The following STIM1 variants were observed in gnomAD, a reference collection of about 807,000 sequenced individuals.
The protein encoded by STIM1 is stromal interaction molecule 1.
Under a neutral mutation model 74.7 loss-of-function variants are expected in STIM1, and 25 were observed. That is an observed-to-expected ratio of 0.33 (90% CI 0.24 to 0.47). The LOEUF (loss-of-function observed/expected upper bound fraction) is 0.47. Ranked by LOEUF, STIM1 falls within the 20% of genes least tolerant of loss-of-function variation. The pLI is 1.00. For missense variants in STIM1, 728 were observed against 920.8 expected (o/e 0.79, Z 2.71); for synonymous variants, 328 against 348.8 (o/e 0.94, Z 0.66).
intron 7 of STIM1, among the ~76,000 whole-genome samples, chr11:4,075,766 A>G (rs899620692): frequency 6.6e-6 from 1 of 152,226 alleles, no homozygotes; most frequent in Non-Finnish European, 1.5e-5. Flanking sequence ...TAGCTTTATT[A>G]GAAACTGTCA....
chr11:4,043,085 G>A (rs1157072577), intron 3 of STIM1, among the ~76,000 whole-genome samples: 2 of 152,178 alleles, frequency 1.3e-5, no homozygotes, highest in East Asian at 1.9e-4. Flanking sequence ...ACGCAAGCTA[G>A]TTCATGGCAG....
intron 2 of STIM1, among the ~76,000 whole-genome samples, chr11:3,967,943 G>A (rs2135737713): frequency 1.3e-5 from 2 of 152,282 alleles, no homozygotes; most frequent in East Asian, 3.9e-4. Context: ...TGACTAAGCT[G>A]TGTTGTTTGG....
chr11:3,860,063 A>G (rs1397179887), intron 1 of STIM1, among the ~76,000 whole-genome samples: 2 of 152,258 alleles, frequency 1.3e-5, no homozygotes, highest in Non-Finnish European at 2.9e-5. Flanking sequence ...CATGGAAGTT[A>G]CAGTCTTGTT....
intron 3 of STIM1, among the ~76,000 whole-genome samples, chr11:4,025,168 G>T (rs1422132422): frequency 6.6e-6 from 1 of 152,164 alleles, no homozygotes. Flanking sequence ...ACTAGTTTTG[G>T]TAGGAATGAG....
rs191207802 is a variant in STIM1 at position 3,917,304 on chromosome 11, A to G, written c.140-50248A>G. ...TTCCTGAGAACTGTGCAAAAACAGT[A>G]ATGATTAGTGAGAAGATCATATGGA... On this transcript the variant is annotated intron_variant, in intron 1 of 12. Coordinates refer to ENST00000526596, the MANE Select transcript of STIM1 (RefSeq NM_001382567.1). Among the ~76,000 whole-genome samples the G allele has an allele frequency of 4.1e-3, 620 of 152,322 alleles. 2 individuals carry two copies. The highest frequency in any genetic ancestry group is 0.014 in the African/African-American group (587 of 41,576).
intron 9 of STIM1, 110 bp from the exon 10 acceptor site, chr11:4,083,153 T>C: frequency 7.7e-7 from 1 of 1,290,478 alleles, no homozygotes; most frequent in Non-Finnish European, 1.1e-6. Context: ...GAGTTTATTG[T>C]GTGTTTTATT....
intron 2 of STIM1, chr11:3,989,065 A>C: frequency 7.8e-7 from 1 of 1,287,286 alleles, no homozygotes; most frequent in Non-Finnish European, 1.1e-6. Flanking sequence ...AGCTACTAAA[A>C]AACTTGCATT....
At chr11:4,088,772 C>T (rs1345221655) in intron 12 of STIM1, 1 of 1,534,664 alleles carries the variant, frequency 6.5e-7, no homozygotes, top group South Asian at 1.2e-5. Flanking sequence ...CGAGGCAGCC[C>T]AGCCTTTGGG....
intron 1 of STIM1, among the ~76,000 whole-genome samples, chr11:3,957,583 G>T (rs779809068): frequency 6.6e-6 from 1 of 151,382 alleles, no homozygotes; most frequent in African/African-American, 2.4e-5. Flanking sequence ...GTTGAGACAG[G>T]TTCTTGCTTT....
chr11:3,976,403 A>G (rs61897201), intron 2 of STIM1, among the ~76,000 whole-genome samples: 4,403 of 152,262 alleles, frequency 0.029, 181 homozygotes, highest in East Asian at 0.18. Flanking sequence ...TTTGACTACA[A>G]GGGGAAAGCA....
intron 3 of STIM1, among the ~76,000 whole-genome samples, chr11:4,035,376 TC>T (rs1241797034): frequency 6.6e-6 from 1 of 152,066 alleles, no homozygotes; most frequent in Non-Finnish European, 1.5e-5. Flanking sequence ...TTACTTTTTT[TC>T]CTGATATAAT....
At chr11:3,970,162 A>T (rs1465616105) in intron 2 of STIM1, among the ~76,000 whole-genome samples, 4 of 151,528 alleles carry the variant, frequency 2.6e-5, no homozygotes, top group African/African-American at 9.7e-5. Context: ...ATGTTACCAC[A>T]ACAAAAAGCT....
In STIM1 at chr11:4,091,632, G is replaced by C. The variant is rs1239678100; in HGVS notation, c.1985G>C (p.Gly662Ala). ...SPDPDTPSPV[G>A]DSRALQASRN... ...GACCCAGACACACCATCTCCAGTTGGGGACAGCCGAGCCCTGCAAGCCAGC... is the reference window on the plus strand; with the variant it reads ...GACCCAGACACACCATCTCCAGTTGCGGACAGCCGAGCCCTGCAAGCCAGC... The change falls in exon 13 of 13, where the codon GGG (glycine) becomes GCG (alanine). Residue 662 changes from glycine to alanine, a missense_variant. Transcript: ENST00000526596. 2 of 1,614,168 alleles carry C rather than the reference G, an allele frequency of 1.2e-6. No homozygotes were observed. Among genetic ancestry groups the C allele is most frequent in the East Asian group, 2.2e-5 (1 of 44,876 alleles).
chr11:3,940,705 G>C (rs2092994429), intron 1 of STIM1, among the ~76,000 whole-genome samples: 1 of 152,126 alleles, frequency 6.6e-6, no homozygotes, highest in Admixed American at 6.5e-5. Context: ...TTAGCATTTG[G>C]AGAAAGAGAA....
At chr11:4,074,048 A>T (rs939508977) in intron 6 of STIM1, among the ~76,000 whole-genome samples, 1 of 152,176 alleles carries the variant, frequency 6.6e-6, no homozygotes, top group Non-Finnish European at 1.5e-5. Context: ...ATACCACTAC[A>T]TAAGAGGAAT....
At chr11:3,874,748 G>A (rs1168456698) in intron 1 of STIM1, among the ~76,000 whole-genome samples, 2 of 152,058 alleles carry the variant, frequency 1.3e-5, no homozygotes, top group Non-Finnish European at 2.9e-5. Context: ...GACTATTCCC[G>A]CTCCTGCAAG....
intron 1 of STIM1, among the ~76,000 whole-genome samples, chr11:3,910,134 TAG>T (rs1460043850): frequency 6.6e-6 from 1 of 152,136 alleles, no homozygotes; most frequent in Non-Finnish European, 1.5e-5. Flanking sequence ...TGCCAGATTA[TAG>T]AGAGCCTTGT....
intron 1 of STIM1, among the ~76,000 whole-genome samples, chr11:3,889,103 G>A (rs2091821155): frequency 6.7e-6 from 1 of 149,394 alleles, no homozygotes; most frequent in South Asian, 2.2e-4. Flanking sequence ...TCCCTGTTTA[G>A]TGAGTGCTTA....
chr11:3,910,288 G>A (rs902220526), intron 1 of STIM1, among the ~76,000 whole-genome samples: 2 of 152,224 alleles, frequency 1.3e-5, no homozygotes, highest in Non-Finnish European at 2.9e-5. Flanking sequence ...GGAAAGGTTA[G>A]AAAAGAGTAT....
Sources: allele counts gnomAD v4.1 joint callset (sites outside exome capture counted in the v4.1 genomes callset), GRCh38; gene constraint gnomAD v4.1.1; transcripts MANE v1.5; gene names NCBI Gene and HGNC (gene_info 2026-07-23, HGNC 2026-07-21).